Variants in NEK11 observed in about 807,000 individuals in gnomAD.
The protein encoded by NEK11 is serine/threonine-protein kinase Nek11.
A neutral mutation model predicts 80.7 loss-of-function variants in NEK11; 72 were observed. The observed-to-expected ratio is 0.89, with a 90% confidence interval of 0.74 to 1.08. The LOEUF is 1.08. Among genes scored for constraint, NEK11 ranks in the 50% least tolerant of loss-of-function variants. The pLI, the probability that NEK11 is intolerant of heterozygous loss-of-function variation, is 0.00. For synonymous variants in NEK11, 251 were observed against 260.7 expected (o/e 0.96, Z 0.36); for missense variants, 764 against 763.6 (o/e 1.00, Z -0.01).
At chr3:131,188,760 C>T (rs1213889492) in intron 14 of NEK11, among the ~76,000 whole-genome samples, 1 of 152,112 alleles carries the variant, frequency 6.6e-6, no homozygotes, top group East Asian at 1.9e-4. Context: ...CAGTAGTGAG[C>T]AAGACAGACT....
intron 5 of NEK11, among the ~76,000 whole-genome samples, chr3:131,120,987 C>T (rs371706101): frequency 3.9e-5 from 6 of 152,332 alleles, no homozygotes; most frequent in East Asian, 3.9e-4. Context: ...TCTCTCAACT[C>T]GTCAAAGTCA....
At chr3:131,082,773 C>G (rs2075454671) in intron 4 of NEK11, among the ~76,000 whole-genome samples, 1 of 152,166 alleles carries the variant, frequency 6.6e-6, no homozygotes, top group Non-Finnish European at 1.5e-5. Context: ...TCCATATGCC[C>G]TTTATCCAGA....
At chr3:131,182,229 A>G (rs964429498) in intron 14 of NEK11, among the ~76,000 whole-genome samples, 1 of 152,070 alleles carries the variant, frequency 6.6e-6, no homozygotes, top group African/African-American at 2.4e-5. Context: ...CAGTAACAAC[A>G]TTTTCAACTG....
chr3:131,240,546 G>C (rs1388110014), intron 15 of NEK11, among the ~76,000 whole-genome samples: 2 of 152,012 alleles, frequency 1.3e-5, no homozygotes, highest in Non-Finnish European at 2.9e-5. Flanking sequence ...TGTTGTTGTT[G>C]TTGTTAGAAA....
At position 131,152,746 on chromosome 3, in the gene NEK11, G is replaced by A. The variant is rs757515340; in HGVS notation, c.876+37G>A. On this transcript the variant is annotated intron_variant, in intron 9 of 17. Coordinates refer to ENST00000383366, the MANE Select transcript of NEK11 (RefSeq NM_024800.5). ...GAAAGGGATTCTGGGAAACAGGTAT[G>A]AGCATTTGTATACACATTCCATGAC... 17 of 1,402,180 alleles carry A rather than the reference G, an allele frequency of 1.2e-5. No homozygotes were observed. The Admixed American group carries it at 2.7e-4, about 23-fold the overall frequency. The allele number at this position is 1,402,180 out of a possible 1,614,324, so 86.9% of individuals were successfully genotyped here.
chr3:131,197,012 G>T (rs1234334952), intron 14 of NEK11, among the ~76,000 whole-genome samples: 2 of 152,052 alleles, frequency 1.3e-5, no homozygotes, highest in Admixed American at 6.6e-5. Flanking sequence ...GGCGATAGAT[G>T]ATTGGCTATT....
chr3:131,286,225 T>C (rs1379026967), intron 17 of NEK11, among the ~76,000 whole-genome samples: 1 of 152,144 alleles, frequency 6.6e-6, no homozygotes, highest in Non-Finnish European at 1.5e-5. Flanking sequence ...ACCCATTAGC[T>C]CTTATCAACT....
rs116331827 is a variant in NEK11 at position 131,048,163 on chromosome 3, G to A, written c.170+18285G>A. Among the ~76,000 whole-genome samples, 903 of 152,266 alleles carry A rather than the reference G, an allele frequency of 5.9e-3. 2 individuals carry two copies. The highest frequency in any genetic ancestry group is 9.5e-3 in the Non-Finnish European group (643 of 68,018). The stretch of plus-strand genomic sequence containing the variant: ...AGCACTGAGTTTATTTCCAGGCAGC[G>A]GGTGAACAGAGCTGGGAACTTTCCC... On this transcript the variant is annotated intron_variant, in intron 3 of 17. Transcript: ENST00000383366.
At chr3:131,171,034 A>G (rs929572398) in intron 14 of NEK11, 147 bp downstream of exon 14, 2 of 691,774 alleles carry the variant, frequency 2.9e-6, no homozygotes, top group Admixed American at 4.3e-5. Flanking sequence ...GGCTATGACC[A>G]GGATGAAAAG....
chr3:131,347,213 G>A (rs2097375663), intron 17 of NEK11, among the ~76,000 whole-genome samples: 1 of 152,140 alleles, frequency 6.6e-6, no homozygotes, highest in Non-Finnish European at 1.5e-5. Context: ...CAGCATTTGA[G>A]TCCAAACTCT....
chr3:131,341,140 A>C (rs1360749564), intron 17 of NEK11, among the ~76,000 whole-genome samples: 4 of 152,204 alleles, frequency 2.6e-5, no homozygotes, highest in Non-Finnish European at 4.4e-5. Flanking sequence ...TGAATCTAAA[A>C]ATTCAAATGC....
intron 17 of NEK11, among the ~76,000 whole-genome samples, chr3:131,347,172 C>A (rs1473941886): frequency 6.6e-6 from 1 of 152,162 alleles, no homozygotes; most frequent in African/African-American, 2.4e-5. Context: ...CCTAGGGCTG[C>A]TGGTTTCTCC....
At chr3:131,105,222 CAAAA>C (rs146787423) in intron 4 of NEK11, among the ~76,000 whole-genome samples, 2,664 of 152,234 alleles carry the variant, frequency 0.017, 95 homozygotes, top group African/African-American at 0.061. Context: ...AAGGTAAAAA[CAAAA>C]CAAACAAACA....
At chr3:131,140,863 C>T (rs984831654) in intron 7 of NEK11, among the ~76,000 whole-genome samples, 3 of 152,130 alleles carry the variant, frequency 2.0e-5, no homozygotes, top group African/African-American at 7.2e-5. Flanking sequence ...TGCCTTCTTT[C>T]TCCCAACCCC....
chr3:131,128,446 T>G (rs1213890368), intron 5 of NEK11, among the ~76,000 whole-genome samples: 1 of 152,242 alleles, frequency 6.6e-6, no homozygotes, highest in Non-Finnish European at 1.5e-5. Context: ...CTTAGTAGTA[T>G]GCATTTAAGT....
At chr3:131,144,733 G>A (rs537014893) in intron 7 of NEK11, among the ~76,000 whole-genome samples, 4 of 152,202 alleles carry the variant, frequency 2.6e-5, no homozygotes, top group East Asian at 3.9e-4. Context: ...AGTTACTGGC[G>A]CCCATTCCAG....
chr3:131,133,332 G>T (rs376996415), intron 6 of NEK11: 1 of 450,538 alleles, frequency 2.2e-6, no homozygotes, highest in Admixed American at 2.4e-5. Flanking sequence ...AGGAAGGAAG[G>T]AATAAAAGTG....
chr3:131,288,140 A>T (rs1276533805), intron 17 of NEK11, among the ~76,000 whole-genome samples: 2 of 151,578 alleles, frequency 1.3e-5, no homozygotes, highest in African/African-American at 4.8e-5. Context: ...ACTTGCTCTC[A>T]CTCCCAGTTG....
At chr3:131,290,089 A>G (rs888912107) in intron 17 of NEK11, among the ~76,000 whole-genome samples, 11 of 152,266 alleles carry the variant, frequency 7.2e-5, no homozygotes, top group African/African-American at 2.7e-4. Flanking sequence ...GTCTCTGAAC[A>G]GACAAATAAT....
Sources: allele counts gnomAD v4.1 joint callset (sites outside exome capture counted in the v4.1 genomes callset), GRCh38; gene constraint gnomAD v4.1.1; transcripts MANE v1.5; gene names NCBI Gene and HGNC (gene_info 2026-07-23, HGNC 2026-07-21).